AP3B1: variants seen among roughly 807,000 people sequenced by gnomAD.
The protein encoded by AP3B1 is AP-3 complex subunit beta-1.
In AP3B1, 61 loss-of-function variants were observed where a neutral mutation model predicts 132.5. That is an observed-to-expected ratio of 0.46 (90% CI 0.37 to 0.57). The LOEUF is 0.57. AP3B1 is among the 20% of genes least tolerant of loss of function. The pLI is 0.00. For synonymous variants in AP3B1, 388 were observed against 438.3 expected, an observed-to-expected ratio of 0.89 and a Z score of 1.43; for missense variants, 1,120 against 1,289.4, an observed-to-expected ratio of 0.87 and a Z score of 2.01.
At chr5:78,000,679 T>C (rs141639974), downstream of AP3B1, 176 of 152,288 alleles carry the variant, frequency 1.2e-3, 1 homozygote, top group African/African-American at 4.1e-3. Flanking sequence ...TTCTTCAAGA[T>C]TGGTGTACAT....
intron 22 of AP3B1, among the ~76,000 whole-genome samples, chr5:78,078,535 T>G (rs1027352721): frequency 1.3e-5 from 2 of 152,224 alleles, no homozygotes; most frequent in Non-Finnish European, 2.9e-5. Context: ...ATATACATTT[T>G]ATCTTCTCTC....
chr5:78,023,919 T>A (rs1747214950), intron 24 of AP3B1, among the ~76,000 whole-genome samples: 1 of 152,072 alleles, frequency 6.6e-6, no homozygotes, highest in Non-Finnish European at 1.5e-5. Flanking sequence ...AACCTGAGCA[T>A]GCTTAGAGGC....
At chr5:78,012,091 G>GT (rs1454368673) in intron 26 of AP3B1, among the ~76,000 whole-genome samples, 1 of 151,670 alleles carries the variant, frequency 6.6e-6, no homozygotes, top group South Asian at 2.1e-4. Context: ...ACTCAAAAAC[G>GT]TAACTATCAC....
chr5:78,284,995 C>A (rs889069673), intron 1 of AP3B1, among the ~76,000 whole-genome samples: 1 of 152,146 alleles, frequency 6.6e-6, no homozygotes, highest in Non-Finnish European at 1.5e-5. Flanking sequence ...GCCTGTAAAT[C>A]CCAGCATTTT....
chr5:78,239,268 C>T lies in AP3B1; in HGVS notation c.279+1594G>A, dbSNP rs566652571. Among the ~76,000 whole-genome samples the T allele has an allele frequency of 5.9e-5, 9 of 151,886 alleles. No homozygotes were observed. The East Asian group carries it at 1.4e-3, about 23-fold the overall frequency. ...GGCAGATTGCTTGAGCCTGGGAGTT[C>T]GAAACCAGCCTGGGCAACATGGTGA... On this transcript the variant is annotated intron_variant, in intron 3 of 26. Transcript: ENST00000255194.
intron 22 of AP3B1, among the ~76,000 whole-genome samples, chr5:78,084,986 T>A (rs1369461005): frequency 6.6e-6 from 1 of 152,226 alleles, no homozygotes; most frequent in African/African-American, 2.4e-5. Context: ...TTTTGCATAC[T>A]TTTTGTAACC....
rs149614572 is a variant in AP3B1, at chr5:78,195,854, C to CA, written c.787-14193dup. ...AAATAAAAATAAAAATAAATCTAGACACAGACCTTACAATCTTCACAAAAA... is the reference window on the plus strand; with the variant it reads ...AAATAAAAATAAAAATAAATCTAGACAACAGACCTTACAATCTTCACAAAAA... On this transcript the variant is annotated intron_variant, in intron 7 of 26. Transcript: ENST00000255194. 8.9e-3 allele frequency among the ~76,000 whole-genome samples: 1,354 copies of CA among 151,994 alleles called. 11 individuals carry two copies. Among genetic ancestry groups the CA allele is most frequent in the African/African-American group, 0.031 (1,283 of 41,492 alleles).
Position 78,083,332 on chromosome 5 carries a change from T to C in AP3B1, c.2577+6061A>G, listed in dbSNP as rs138138135. The stretch of plus-strand genomic sequence containing the variant: ...CTTTAACTGTTTTATTCACTTAAAA[T>C]TTTTGTGACCCAAATATACAAAGTA... On this transcript the variant is annotated intron_variant, in intron 22 of 26. Coordinates refer to ENST00000255194, the MANE Select transcript of AP3B1 (RefSeq NM_003664.5). 9.1e-4 allele frequency among the ~76,000 whole-genome samples: 138 copies of C among 152,330 alleles called. 1 individual carries two copies. The highest frequency in any genetic ancestry group is 3.2e-3 in the African/African-American group (132 of 41,572).
chr5:78,045,999 G>T (rs1026695466), intron 22 of AP3B1, among the ~76,000 whole-genome samples: 1 of 152,174 alleles, frequency 6.6e-6, no homozygotes, highest in African/African-American at 2.4e-5. Flanking sequence ...AATGGCAGAG[G>T]TGAGTAGTTG....
chr5:78,004,364 C>T (rs979078179), intron 26 of AP3B1, among the ~76,000 whole-genome samples: 1 of 152,166 alleles, frequency 6.6e-6, no homozygotes, highest in African/African-American at 2.4e-5. Context: ...TTACCATCAA[C>T]ATAAAAGAGG....
chr5:78,156,675 A>T (rs1743162484), intron 13 of AP3B1, among the ~76,000 whole-genome samples: 1 of 152,182 alleles, frequency 6.6e-6, no homozygotes, highest in South Asian at 2.1e-4. Context: ...ATAGTGTTCT[A>T]TGTCTTTGGC....
At chr5:78,196,118 G>A (rs769813665) in intron 7 of AP3B1, among the ~76,000 whole-genome samples, 7 of 152,048 alleles carry the variant, frequency 4.6e-5, no homozygotes, top group Non-Finnish European at 1.0e-4. Flanking sequence ...GAAAATATTT[G>A]CCAAAGACAT....
chr5:78,150,681 G>A (rs972023410), intron 14 of AP3B1, among the ~76,000 whole-genome samples: 1 of 152,108 alleles, frequency 6.6e-6, no homozygotes, highest in African/African-American at 2.4e-5. Context: ...ATCATCATTT[G>A]ACACATGGGA....
chr5:78,178,601 A>G (rs1392712071), intron 8 of AP3B1, among the ~76,000 whole-genome samples: 1 of 152,172 alleles, frequency 6.6e-6, no homozygotes, highest in Non-Finnish European at 1.5e-5. Context: ...AGCCTGTGCA[A>G]TGGAGTGAGA....
intron 22 of AP3B1, among the ~76,000 whole-genome samples, chr5:78,083,776 T>G (rs1445038235): frequency 6.6e-6 from 1 of 152,188 alleles, no homozygotes; most frequent in Non-Finnish European, 1.5e-5. Context: ...GCATTATTTT[T>G]TAAAATCTCT....
chr5:78,122,574 C>G (rs1207662670), intron 17 of AP3B1, among the ~76,000 whole-genome samples: 1 of 152,184 alleles, frequency 6.6e-6, no homozygotes, highest in African/African-American at 2.4e-5. Flanking sequence ...AGAGCCAAAT[C>G]ATGAGTGAAC....
At chr5:78,187,597 T>C (rs1395472890) in intron 7 of AP3B1, among the ~76,000 whole-genome samples, 2 of 152,286 alleles carry the variant, frequency 1.3e-5, no homozygotes, top group African/African-American at 2.4e-5. Context: ...CAAAAGCAGA[T>C]GGAAAAATAT....
At chr5:78,289,034 C>T (rs1749399619) in intron 1 of AP3B1, among the ~76,000 whole-genome samples, 1 of 140,544 alleles carries the variant, frequency 7.1e-6, no homozygotes, top group African/African-American at 2.5e-5. Context: ...AAGTTTAGAA[C>T]CCATAGTGAG....
chr5:78,130,463 T>C (rs1198616335), intron 15 of AP3B1, among the ~76,000 whole-genome samples: 1 of 151,988 alleles, frequency 6.6e-6, no homozygotes, highest in Non-Finnish European at 1.5e-5. Flanking sequence ...AGTAGCAGAG[T>C]AGTTAAAAAG....
Sources: allele counts gnomAD v4.1 joint callset (sites outside exome capture counted in the v4.1 genomes callset), GRCh38; gene constraint gnomAD v4.1.1; transcripts MANE v1.5; gene names NCBI Gene and HGNC (gene_info 2026-07-23, HGNC 2026-07-21).